CLSTN2: variants seen among roughly 807,000 people sequenced by gnomAD.
The protein encoded by CLSTN2 is calsyntenin 2, also known as calsyntenin-2.
A neutral mutation model predicts 101.2 loss-of-function variants in CLSTN2; 48 were observed. The ratio of observed to expected loss-of-function variants is 0.47; its 90% confidence interval spans 0.38 to 0.60. The LOEUF is 0.60. CLSTN2 is among the 20% of genes least tolerant of loss of function. The pLI is 0.00. For missense variants in CLSTN2, 1,160 were observed against 1,238.2 expected, an observed-to-expected ratio of 0.94 and a Z score of 0.95; for synonymous variants, 481 against 463.6, an observed-to-expected ratio of 1.04 and a Z score of -0.48.
intron 1 of CLSTN2, among the ~76,000 whole-genome samples, chr3:139,992,270 C>T (rs1297840559): frequency 1.3e-5 from 2 of 152,138 alleles, no homozygotes; most frequent in Non-Finnish European, 2.9e-5. Flanking sequence ...AATTGAGGAT[C>T]GCTCGTGCAA....
chr3:140,284,284 A>G (rs547194862), intron 2 of CLSTN2, among the ~76,000 whole-genome samples: 60 of 152,246 alleles, frequency 3.9e-4, no homozygotes, highest in African/African-American at 1.4e-3. Flanking sequence ...TTTCTAATTT[A>G]TTTCTGGACT....
chr3:140,233,598 G>T (rs2086390230), intron 2 of CLSTN2, among the ~76,000 whole-genome samples: 1 of 151,994 alleles, frequency 6.6e-6, no homozygotes, highest in African/African-American at 2.4e-5. Context: ...ACTCCAAAGG[G>T]CCCATCTAAC....
At chr3:140,222,212 AGGCAGAGAAAG>A (rs1371627631) in intron 2 of CLSTN2, among the ~76,000 whole-genome samples, 6 of 152,210 alleles carry the variant, frequency 3.9e-5, no homozygotes, top group Non-Finnish European at 8.8e-5. Context: ...GAAACAAGCT[AGGCAGAGAAAG>A]ACAAACATTG....
chr3:140,436,624 G>A (rs575468709), intron 5 of CLSTN2, among the ~76,000 whole-genome samples: 3 of 152,220 alleles, frequency 2.0e-5, no homozygotes, highest in African/African-American at 7.2e-5. Context: ...CTGGTCAGGT[G>A]AAGAGGGCTA....
At chr3:140,317,977 C>T (rs1381233859) in intron 2 of CLSTN2, among the ~76,000 whole-genome samples, 1 of 152,212 alleles carries the variant, frequency 6.6e-6, no homozygotes, top group Non-Finnish European at 1.5e-5. Context: ...TCATGCACCT[C>T]ATTCATTACA....
chr3:140,049,461 A>G (rs2007947120), intron 1 of CLSTN2, among the ~76,000 whole-genome samples: 1 of 152,190 alleles, frequency 6.6e-6, no homozygotes, highest in South Asian at 2.1e-4. Flanking sequence ...TTAAATGCTT[A>G]TTAGGGACTA....
chr3:140,465,081 C>A (rs1027578434), intron 7 of CLSTN2, among the ~76,000 whole-genome samples: 1 of 152,142 alleles, frequency 6.6e-6, no homozygotes, highest in Non-Finnish European at 1.5e-5. Context: ...CTTTCAGCTG[C>A]AAGGAGTGGA....
At position 140,459,435 on chromosome 3, in the gene CLSTN2, G is replaced by A. The variant is rs1576579595; in HGVS notation, c.974-86G>A. On this transcript the variant is annotated intron_variant, in intron 6 of 16. Transcript: ENST00000458420. ...ACAGACGTCTCTGAGTAAGTACACT[G>A]AGTAGTTCACCTTGACCCAGGAGCA... 4.7e-6 allele frequency: 7 copies of A among 1,484,160 alleles called. No individual in the cohort carries two copies. The East Asian group carries it at 6.8e-5, about 14-fold the overall frequency. 91.9% of individuals were successfully genotyped at this position (1,484,160 alleles called of 1,614,324 possible). A position where few individuals can be genotyped will look rare whatever the true frequency, so the allele number is the denominator to read the frequency against.
chr3:139,996,874 C>T (rs1364650974), intron 1 of CLSTN2, among the ~76,000 whole-genome samples: 1 of 151,582 alleles, frequency 6.6e-6, no homozygotes, highest in Non-Finnish European at 1.5e-5. Flanking sequence ...ATGAAGAAAC[C>T]CTGTCTCTAC....
intron 8 of CLSTN2, 72 bp from the exon 9 acceptor site, chr3:140,532,252 A>G (rs1935269672): frequency 7.7e-7 from 1 of 1,301,774 alleles, no homozygotes; most frequent in Non-Finnish European, 1.1e-6. Context: ...TTCTCCTTTC[A>G]TAGAGTAAAA....
chr3:140,434,618 A>G (rs2088668814), intron 5 of CLSTN2, among the ~76,000 whole-genome samples: 1 of 152,192 alleles, frequency 6.6e-6, no homozygotes, highest in African/African-American at 2.4e-5. Flanking sequence ...GGATGAATAC[A>G]TTAGCCAGAT....
chr3:140,219,146 A>T (rs2086238902), intron 2 of CLSTN2, among the ~76,000 whole-genome samples: 2 of 152,046 alleles, frequency 1.3e-5, no homozygotes, highest in Admixed American at 1.3e-4. Flanking sequence ...GGAATACATG[A>T]TACATGAACT....
rs906067655 is a variant in CLSTN2 at position 140,105,926 on chromosome 3, C to T, written c.110-70025C>T. ...AGAGGTGATGGGGCCTGAGTAAAGC[C>T]TCCTTCAATGTGGAAATCATCCCCT... On this transcript the variant is annotated intron_variant, in intron 1 of 16. Coordinates refer to ENST00000458420, the MANE Select transcript of CLSTN2 (RefSeq NM_022131.3). Among the ~76,000 whole-genome samples, 10 of 152,142 alleles carry T rather than the reference C, an allele frequency of 6.6e-5. No individual in the cohort carries two copies. In the South Asian group the frequency reaches 1.2e-3, roughly 19 times the overall value.
At chr3:140,068,326 T>A (rs2008332910) in intron 1 of CLSTN2, among the ~76,000 whole-genome samples, 1 of 152,218 alleles carries the variant, frequency 6.6e-6, no homozygotes, top group Non-Finnish European at 1.5e-5. Flanking sequence ...GGCCTTAGAA[T>A]CTTTACAAAC....
At chr3:140,004,408 G>C (rs2006913174) in intron 1 of CLSTN2, among the ~76,000 whole-genome samples, 1 of 152,206 alleles carries the variant, frequency 6.6e-6, no homozygotes, top group South Asian at 2.1e-4. Flanking sequence ...TGTGGGAGAA[G>C]TTAGTGCAAA....
chr3:140,062,745 G>C, intron 1 of CLSTN2, among the ~76,000 whole-genome samples: 1 of 152,052 alleles, frequency 6.6e-6, no homozygotes, highest in Admixed American at 6.6e-5. Context: ...GGAAAACTTG[G>C]GTTCTTGTCC....
chr3:140,358,015 TACTCATGTCACA>T, intron 2 of CLSTN2, among the ~76,000 whole-genome samples: 1 of 152,280 alleles, frequency 6.6e-6, no homozygotes, highest in South Asian at 2.1e-4. Context: ...TGAGGGAGGC[TACTCATGTCACA>T]TGGGGGTTAA....
At chr3:140,118,082 TA>T (rs1384380041) in intron 1 of CLSTN2, among the ~76,000 whole-genome samples, 1 of 151,954 alleles carries the variant, frequency 6.6e-6, no homozygotes, top group Non-Finnish European at 1.5e-5. Context: ...TCAAATCTAA[TA>T]TTGGTGTCTT....
intron 1 of CLSTN2, among the ~76,000 whole-genome samples, chr3:140,015,806 C>T (rs1230174328): frequency 4.6e-5 from 7 of 152,336 alleles, no homozygotes; most frequent in African/African-American, 9.6e-5. Flanking sequence ...CTGGTCAGGG[C>T]GGGAAGGACT....
Sources: allele counts gnomAD v4.1 joint callset (sites outside exome capture counted in the v4.1 genomes callset), GRCh38; gene constraint gnomAD v4.1.1; transcripts MANE v1.5; gene names NCBI Gene and HGNC (gene_info 2026-07-23, HGNC 2026-07-21).